FBLN5: variants seen among roughly 807,000 people sequenced by gnomAD.
FBLN5 encodes the protein fibulin-5.
Under a neutral mutation model 61.6 loss-of-function variants are expected in FBLN5, and 24 were observed. The observed-to-expected ratio is 0.39, with a 90% CI of 0.28 to 0.55. The LOEUF is 0.55. Among genes scored for constraint, FBLN5 ranks in the 20% least tolerant of loss-of-function variants. The pLI, the probability that FBLN5 is intolerant of heterozygous loss-of-function variation, is 0.65. For missense variants in FBLN5, 470 were observed against 594.1 expected, an observed-to-expected ratio of 0.79 and a Z score of 2.17; for synonymous variants, 213 against 219.8, an observed-to-expected ratio of 0.97 and a Z score of 0.27.
intron 4 of FBLN5, among the ~76,000 whole-genome samples, chr14:91,934,452 C>T (rs1279461628): frequency 6.6e-6 from 1 of 152,114 alleles, no homozygotes; most frequent in African/African-American, 2.4e-5. Flanking sequence ...GGATCAAGCG[C>T]ATTAATTATT....
intron 9 of FBLN5, among the ~76,000 whole-genome samples, chr14:91,879,680 T>C (rs1244890702): frequency 6.6e-6 from 1 of 152,216 alleles, no homozygotes; most frequent in Non-Finnish European, 1.5e-5. Context: ...AAGAGCCCTG[T>C]TCTAAAGGGT....
At chr14:91,914,260 G>A (rs1040195459) in intron 4 of FBLN5, among the ~76,000 whole-genome samples, 5 of 151,974 alleles carry the variant, frequency 3.3e-5, no homozygotes, top group Admixed American at 6.6e-5. Flanking sequence ...GGCAGATCAC[G>A]AGGTCAGGAG....
intron 5 of FBLN5, among the ~76,000 whole-genome samples, chr14:91,894,428 C>CAAAAAAAAAA (rs1491576623): frequency 2.8e-5 from 2 of 72,596 alleles, no homozygotes; most frequent in South Asian, 5.6e-4. Flanking sequence ...AAAAAAAAAA[C>CAAAAAAAAAA]CGAAAAAAAC....
intron 4 of FBLN5, among the ~76,000 whole-genome samples, chr14:91,895,792 T>G (rs1161713407): frequency 1.0e-5 from 1 of 95,818 alleles, no homozygotes; most frequent in Non-Finnish European, 1.9e-5. Flanking sequence ...AGTGAGACCC[T>G]GTCTCAAAAA....
chr14:91,908,928 A>T (rs1024986409), intron 4 of FBLN5, among the ~76,000 whole-genome samples: 1 of 151,208 alleles, frequency 6.6e-6, no homozygotes, highest in Non-Finnish European at 1.5e-5. Flanking sequence ...TTAATTAATT[A>T]TTTTTTTTGA....
intron 4 of FBLN5, among the ~76,000 whole-genome samples, chr14:91,900,312 A>C (rs1595312899): frequency 6.6e-6 from 1 of 152,370 alleles, no homozygotes; most frequent in East Asian, 1.9e-4. Flanking sequence ...TCAAATATAA[A>C]TAACATGCAT....
At chr14:91,912,687 G>A (rs530383862) in intron 4 of FBLN5, among the ~76,000 whole-genome samples, 3 of 151,900 alleles carry the variant, frequency 2.0e-5, no homozygotes, top group South Asian at 2.1e-4. Context: ...GTGTGCACCC[G>A]TGGTCCCAGC....
At chr14:91,901,000 T>C (rs2017488) in intron 4 of FBLN5, among the ~76,000 whole-genome samples, 28,118 of 152,186 alleles carry the variant, frequency 0.18, 2,750 homozygotes, top group Admixed American at 0.24. Context: ...GCCCCAGGCA[T>C]ATGGCGGGAG....
rs1317321363 is a variant in FBLN5 at position 91,891,333 on chromosome 14, A to C, written c.507T>G (p.Ile169Met). The change falls in exon 6 of 11, where the codon ATT becomes ATG. Residue 169 changes from isoleucine (I) to methionine (M), a missense_variant. Ile to Met is a conservative substitution (Grantham distance 10). Transcript: ENST00000342058. ...GGCAGTAACCATAGCGACATTCATC[A>C]ATGTCTGGAAACAGAAATGCAAGCA... is the stretch of plus-strand genomic sequence containing the variant. ...YWLLEGQCLD[I>M]DECRYGYCQQ... is the part of the protein sequence containing the mutation. The C allele has an allele frequency of 9.3e-6, 15 of 1,605,522 alleles. No homozygotes were observed. In the Admixed American group the frequency reaches 2.5e-4, roughly 27 times the overall value.
At chr14:91,920,154 T>C (rs1283846037) in intron 4 of FBLN5, among the ~76,000 whole-genome samples, 2 of 152,152 alleles carry the variant, frequency 1.3e-5, no homozygotes, top group African/African-American at 4.8e-5. Context: ...AAAAGCCAAG[T>C]TGCACTATCT....
chr14:91,944,817 T>C (rs1003010690), intron 1 of FBLN5, among the ~76,000 whole-genome samples: 1 of 152,182 alleles, frequency 6.6e-6, no homozygotes, highest in African/African-American at 2.4e-5. Context: ...GATGGGGAAT[T>C]GTTTAATAGG....
chr14:91,890,780 C>A (rs1234225483), intron 6 of FBLN5, among the ~76,000 whole-genome samples: 1 of 152,144 alleles, frequency 6.6e-6, no homozygotes, highest in Non-Finnish European at 1.5e-5. Flanking sequence ...CTCAGAATCG[C>A]CCACGACACC....
In FBLN5 at chr14:91,947,070, A is replaced by G; in HGVS notation, c.17+143T>C. On this transcript the variant is annotated intron_variant, in intron 1 of 10. Coordinates refer to ENST00000342058, the MANE Select transcript of FBLN5 (RefSeq NM_006329.4). This position sits in a 1 kb window ranked among gnomAD's most constrained non-coding sequence, Gnocchi z 4.3. The stretch of plus-strand genomic sequence containing the variant: ...ACAGAGGCGCAGCTTTTTATAATTA[A>G]CAATATCATTGCATCACTAGCTCAT... 1.3e-6 allele frequency: 2 copies of G among 1,537,262 alleles called. No individual in the cohort carries two copies. The highest frequency in any genetic ancestry group is 1.8e-6 in the Non-Finnish European group (2 of 1,134,476).
chr14:91,945,100 A>G (rs2056162817), intron 1 of FBLN5, among the ~76,000 whole-genome samples: 1 of 152,054 alleles, frequency 6.6e-6, no homozygotes, highest in South Asian at 2.1e-4. Context: ...CTGTGGTGGC[A>G]GGCGCCTGTA....
intron 4 of FBLN5, among the ~76,000 whole-genome samples, chr14:91,915,994 A>G (rs1891184271): frequency 6.6e-6 from 1 of 152,214 alleles, no homozygotes. Flanking sequence ...CAAAAATCCT[A>G]AATAAAATGT....
chr14:91,920,611 A>G (rs779319244), intron 4 of FBLN5, among the ~76,000 whole-genome samples: 1 of 152,160 alleles, frequency 6.6e-6, no homozygotes, highest in Admixed American at 6.5e-5. Context: ...TTCTCAACCA[A>G]ACTATAAATG....
intron 10 of FBLN5, among the ~76,000 whole-genome samples, chr14:91,871,819 TATAC>T (rs1888942849): frequency 6.7e-6 from 1 of 149,824 alleles, no homozygotes; most frequent in Non-Finnish European, 1.5e-5. Flanking sequence ...ATCGCACCAC[TATAC>T]TCCACCCTGG....
chr14:91,889,950 G>C lies in FBLN5; in HGVS notation c.619+1271C>G, dbSNP rs1595304108. Among the ~76,000 whole-genome samples, 3 of 152,302 alleles carry C rather than the reference G, an allele frequency of 2.0e-5. No homozygotes were observed. In the East Asian group the frequency reaches 5.8e-4, roughly 29 times the overall value. ...GGTACTGGGGGCACGGTGCCAGCCT[G>C]TGGCTGGCACCTCCAATCCCAGGCC... On this transcript the variant is annotated intron_variant, in intron 6 of 10. Coordinates refer to ENST00000342058, the MANE Select transcript of FBLN5 (RefSeq NM_006329.4).
chr14:91,876,037 A>G (rs1212242184), intron 10 of FBLN5, among the ~76,000 whole-genome samples: 2 of 152,218 alleles, frequency 1.3e-5, no homozygotes, highest in African/African-American at 4.8e-5. Context: ...TATTCCAGAT[A>G]GGGCACTAAG....
Sources: allele counts gnomAD v4.1 joint callset (sites outside exome capture counted in the v4.1 genomes callset), GRCh38; gene constraint gnomAD v4.1.1; non-coding constraint Gnocchi (gnomAD v3.1); transcripts MANE v1.5; gene names NCBI Gene and HGNC (gene_info 2026-07-23, HGNC 2026-07-21).